PCID2: variants seen among roughly 807,000 people sequenced by gnomAD.
The protein encoded by PCID2 is PCI domain containing 2.
Under a neutral mutation model 61.3 loss-of-function variants are expected in PCID2, and 41 were observed. The ratio of observed to expected loss-of-function variants is 0.67; its 90% confidence interval spans 0.52 to 0.87. The LOEUF (loss-of-function observed/expected upper bound fraction) is 0.87, where lower values mean the gene tolerates loss of function less well. PCID2 is among the 40% of genes least tolerant of loss of function. PCID2 has a pLI of 0.00. For missense variants in PCID2, 392 were observed against 493.4 expected (o/e 0.79, Z 1.95); for synonymous variants, 187 against 177.8 (o/e 1.05, Z -0.41).
At chr13:113,168,214 T>C in the PCID2 span, among the ~76,000 whole-genome samples, 1 of 152,250 alleles carries the variant, frequency 6.6e-6, no homozygotes, top group African/African-American at 2.4e-5. Context: ...TATAGTGGAA[T>C]GCGGATAAAT....
intron 7 of PCID2, 65 bp downstream of exon 7, chr13:113,190,807 G>A (rs2038547839): frequency 2.3e-6 from 2 of 865,238 alleles, no homozygotes; most frequent in East Asian, 2.6e-5. Flanking sequence ...GGCCAGAAAG[G>A]GTGAACGCTG....
At chr13:113,177,115 C>T (rs183783934), downstream of PCID2, among the ~76,000 whole-genome samples, 62 of 151,982 alleles carry the variant, frequency 4.1e-4, 1 homozygote, top group African/African-American at 1.2e-3. Flanking sequence ...GTAAGCTACA[C>T]GAGGTATTTA....
chr13:113,201,418 C>G (rs760488230), intron 1 of PCID2, among the ~76,000 whole-genome samples: 39 of 152,292 alleles, frequency 2.6e-4, no homozygotes, highest in Non-Finnish European at 4.3e-4. Flanking sequence ...CGCAGAACGT[C>G]GGGTGGAGAC....
chr13:113,207,252 T>G (rs1037777795), intron 1 of PCID2, among the ~76,000 whole-genome samples: 2 of 152,236 alleles, frequency 1.3e-5, no homozygotes, highest in Admixed American at 1.3e-4. Context: ...CAATGAAATA[T>G]GAATGCAAAA....
intron 13 of PCID2, 29 bp downstream of exon 13, chr13:113,178,937 T>C (rs373790228): frequency 2.1e-5 from 34 of 1,599,606 alleles, no homozygotes; most frequent in African/African-American, 4.0e-5. Flanking sequence ...TGTGAGTAGC[T>C]GCTTAAATTA....
At chr13:113,198,474 G>A (rs914899646) in intron 2 of PCID2, among the ~76,000 whole-genome samples, 8 of 152,122 alleles carry the variant, frequency 5.3e-5, no homozygotes, top group African/African-American at 1.9e-4. Flanking sequence ...GGGCGAGGTG[G>A]GCAGATCACT....
At chr13:113,196,857 T>C (rs1452750121) in intron 4 of PCID2, among the ~76,000 whole-genome samples, 2 of 152,230 alleles carry the variant, frequency 1.3e-5, no homozygotes, top group Admixed American at 6.5e-5. Flanking sequence ...ATTTCTGGTA[T>C]TTCACCAACA....
intron 9 of PCID2, among the ~76,000 whole-genome samples, chr13:113,182,779 C>T (rs1013797540): frequency 2.6e-5 from 4 of 152,092 alleles, no homozygotes; most frequent in South Asian, 4.1e-4. Flanking sequence ...TGAGCCACCG[C>T]GCCCGGCCAA....
Position 113,181,653 on chromosome 13 carries a change from G to A in PCID2, c.686-423C>T, listed in dbSNP as rs73579002. 5.9e-3 allele frequency among the ~76,000 whole-genome samples: 896 copies of A among 152,192 alleles called. 14 individuals are homozygous for A. The highest frequency in any genetic ancestry group is 0.02 in the African/African-American group (849 of 41,512). ...ATAATTAAACAATGAAAATAACTTA[G>A]TAAAACACCATCCTCCAGCTTAACA... On this transcript the variant is annotated intron_variant, in intron 9 of 13. Transcript: ENST00000337344.
intron 4 of PCID2, 59 bp from the exon 5 acceptor site, chr13:113,196,281 G>A: frequency 7.7e-7 from 1 of 1,290,722 alleles, no homozygotes; most frequent in Admixed American, 1.7e-5. Flanking sequence ...TACGATAAAA[G>A]TAAAGAATAA....
intron 8 of PCID2, among the ~76,000 whole-genome samples, chr13:113,185,110 A>G (rs1214247384): frequency 6.6e-6 from 1 of 152,204 alleles, no homozygotes; most frequent in Non-Finnish European, 1.5e-5. Flanking sequence ...CCATCTATCC[A>G]TCTACGTGCC....
intron 6 of PCID2, among the ~76,000 whole-genome samples, chr13:113,194,559 A>G (rs949754451): frequency 2.0e-5 from 3 of 152,116 alleles, no homozygotes; most frequent in Non-Finnish European, 2.9e-5. Flanking sequence ...TCATTTCTAA[A>G]ACTGTAAAGG....
chr13:113,208,555 C>A lies in PCID2; in HGVS notation c.36+44G>T, dbSNP rs758322283. On this transcript the variant is annotated intron_variant, in intron 1 of 13. Coordinates refer to ENST00000337344, the MANE Select transcript of PCID2 (RefSeq NM_001127202.4). ...GCAGGAGGGGACACACGGAACACGC[C>A]GAGGGCCAACCACGCCGCCGCGCGC... The A allele has an allele frequency of 1.9e-6, 3 of 1,598,598 alleles. No individual in the cohort carries two copies. The South Asian group carries it at 3.4e-5, about 18-fold the overall frequency.
At chr13:113,184,064 T>G (rs2037881518) in intron 9 of PCID2, 18 of 945,072 alleles carry the variant, frequency 1.9e-5, no homozygotes, top group Non-Finnish European at 2.3e-5. Context: ...AAGAAAACAA[T>G]GATTTACATT....
intron 2 of PCID2, among the ~76,000 whole-genome samples, chr13:113,199,423 G>A (rs548245923): frequency 4.6e-5 from 7 of 152,244 alleles, no homozygotes; most frequent in Non-Finnish European, 8.8e-5. Flanking sequence ...AGCACACTGC[G>A]TTTTTTTGTT....
the PCID2 span, among the ~76,000 whole-genome samples, chr13:113,167,500 AAAC>A: frequency 3.3e-5 from 5 of 152,328 alleles, no homozygotes; most frequent in Non-Finnish European, 7.3e-5. Flanking sequence ...TTAATCTTTC[AAAC>A]AACTTCTCGT....
At chr13:113,196,906 C>T (rs920029230) in intron 4 of PCID2, 3 of 816,800 alleles carry the variant, frequency 3.7e-6, no homozygotes, top group Non-Finnish European at 4.2e-6. Context: ...TACTACCTTA[C>T]TAAAGGCAAC....
intron 2 of PCID2, among the ~76,000 whole-genome samples, chr13:113,199,484 GAGA>G (rs2039260969): frequency 6.6e-6 from 1 of 152,218 alleles, no homozygotes; most frequent in African/African-American, 2.4e-5. Flanking sequence ...TATGGTGAGA[GAGA>G]AGAATGACAG....
chr13:113,184,256 T>C, intron 9 of PCID2, 90 bp downstream of exon 9: 1 of 1,166,644 alleles, frequency 8.6e-7, no homozygotes, highest in Non-Finnish European at 1.3e-6. Flanking sequence ...TAAAATACAG[T>C]AATTGTGTTC....
Sources: gnomAD v4.1 joint callset for allele counts (sites outside exome capture counted in the v4.1 genomes callset) on GRCh38, gnomAD v4.1.1 for gene constraint, MANE v1.5 for transcripts, NCBI Gene and HGNC (gene_info 2026-07-23, HGNC 2026-07-21) for gene names.